The following SCAPER variants were observed in gnomAD, a reference collection of about 807,000 sequenced individuals.
SCAPER encodes the protein S-phase cyclin A associated protein in the ER.
A neutral mutation model predicts 182.2 loss-of-function variants in SCAPER; 98 were observed. That is an observed-to-expected ratio of 0.54 (90% CI 0.46 to 0.64). The LOEUF is 0.64. SCAPER is among the 30% of genes least tolerant of loss of function. The pLI is 0.00. For missense variants in SCAPER, 1,432 were observed against 1,690.0 expected (o/e 0.85, Z 2.68); for synonymous variants, 605 against 564.6 (o/e 1.07, Z -1.01).
intron 14 of SCAPER, among the ~76,000 whole-genome samples, chr15:76,756,429 T>A (rs11072620): frequency 0.34 from 51,276 of 151,674 alleles, 8,928 homozygotes; most frequent in East Asian, 0.56. Flanking sequence ...AATTAAAAAT[T>A]TAACCAGGCA....
intron 1 of SCAPER, among the ~76,000 whole-genome samples, chr15:76,900,089 T>C (rs1212066399): frequency 1.3e-5 from 2 of 152,240 alleles, no homozygotes; most frequent in East Asian, 1.9e-4. Flanking sequence ...CAGGGTTAAA[T>C]GGATTAAGGG....
intron 20 of SCAPER, among the ~76,000 whole-genome samples, chr15:76,672,537 C>A (rs2057098769): frequency 6.6e-6 from 1 of 150,934 alleles, no homozygotes; most frequent in African/African-American, 2.4e-5. Context: ...TCTTAAAACT[C>A]AAAAAAAGAT....
chr15:76,756,343 G>A (rs925430401), intron 14 of SCAPER, among the ~76,000 whole-genome samples: 5 of 151,748 alleles, frequency 3.3e-5, no homozygotes, highest in East Asian at 1.9e-4. Flanking sequence ...TTAGAAGGCC[G>A]AGGTTAAAGG....
chr15:76,763,550 T>TA (rs58474147), intron 14 of SCAPER, among the ~76,000 whole-genome samples: 4 of 150,346 alleles, frequency 2.7e-5, no homozygotes, highest in African/African-American at 9.8e-5. Flanking sequence ...GTTATTTCTT[T>TA]AAAAAAAAAA....
chr15:76,663,872 A>G (rs2056381195), intron 21 of SCAPER, among the ~76,000 whole-genome samples: 1 of 152,192 alleles, frequency 6.6e-6, no homozygotes, highest in Non-Finnish European at 1.5e-5. Flanking sequence ...ATCAATGAAA[A>G]AAGTCAATAG....
intron 1 of SCAPER, among the ~76,000 whole-genome samples, chr15:76,887,737 C>A (rs546268106): frequency 6.6e-6 from 1 of 152,212 alleles, no homozygotes; most frequent in Non-Finnish European, 1.5e-5. Flanking sequence ...CATAGCTGAA[C>A]AAAAAGCAGC....
chr15:76,588,529 T>C (rs2048856960), intron 22 of SCAPER, among the ~76,000 whole-genome samples: 1 of 152,214 alleles, frequency 6.6e-6, no homozygotes, highest in South Asian at 2.1e-4. Context: ...GACGCTTGGT[T>C]AGTGAATTCT....
At chr15:76,585,619 T>G (rs1282825482) in intron 22 of SCAPER, among the ~76,000 whole-genome samples, 1 of 152,204 alleles carries the variant, frequency 6.6e-6, no homozygotes, top group Non-Finnish European at 1.5e-5. Flanking sequence ...AGGACCATTT[T>G]AATTCACAGA....
At chr15:76,470,645 C>T (rs11635463) in intron 25 of SCAPER, among the ~76,000 whole-genome samples, 43,157 of 152,040 alleles carry the variant, frequency 0.28, 7,125 homozygotes, top group East Asian at 0.58. Context: ...AAACCTTTGG[C>T]TATTACATTG....
intron 21 of SCAPER, among the ~76,000 whole-genome samples, chr15:76,629,710 T>C (rs1424022463): frequency 1.3e-5 from 2 of 152,136 alleles, no homozygotes; most frequent in Non-Finnish European, 2.9e-5. Context: ...GGATATTAGC[T>C]GAAGTTTTCT....
At chr15:76,686,006 C>T (rs746158613) in intron 20 of SCAPER, among the ~76,000 whole-genome samples, 15 of 151,854 alleles carry the variant, frequency 9.9e-5, no homozygotes, top group East Asian at 1.9e-4. Flanking sequence ...ACTTTTATAA[C>T]GTAAGATAGA....
At chr15:76,712,261 T>A (rs1378141672) in intron 17 of SCAPER, among the ~76,000 whole-genome samples, 2 of 152,158 alleles carry the variant, frequency 1.3e-5, no homozygotes, top group African/African-American at 4.8e-5. Context: ...TATGCGGCGT[T>A]ATTTATGAGG....
intron 23 of SCAPER, among the ~76,000 whole-genome samples, chr15:76,523,579 C>G (rs954224543): frequency 6.6e-6 from 1 of 152,028 alleles, no homozygotes; most frequent in African/African-American, 2.4e-5. Context: ...ACTCAATAAA[C>G]ATTTTTGGGC....
At chr15:76,726,914 C>T (rs973881211) in intron 17 of SCAPER, among the ~76,000 whole-genome samples, 3 of 151,914 alleles carry the variant, frequency 2.0e-5, no homozygotes, top group African/African-American at 7.2e-5. Flanking sequence ...TTTCTGGGTA[C>T]AGATGGTGGT....
At position 76,361,541 on chromosome 15, in the gene SCAPER, C is replaced by T. The variant is rs553454544; in HGVS notation, c.3856-7401G>A. ...AGTCTAATAAAAGTGGGCTTTCTGG[C>T]CTAGAGTAGACTGAAATCAGCAATT... On this transcript the variant is annotated intron_variant, in intron 29 of 31. Transcript: ENST00000563290. 7.2e-5 allele frequency among the ~76,000 whole-genome samples: 11 copies of T among 152,280 alleles called. 1 individual carries two copies. In the East Asian group the frequency reaches 1.5e-3, roughly 21 times the overall value.
chr15:76,654,046 T>C (rs1196518801), intron 21 of SCAPER, among the ~76,000 whole-genome samples: 1 of 152,000 alleles, frequency 6.6e-6, no homozygotes, highest in East Asian at 1.9e-4. Context: ...ACAAAAGACA[T>C]GAACAGACAC....
chr15:76,694,522 C>T (rs1036736155), intron 20 of SCAPER, among the ~76,000 whole-genome samples: 1 of 151,742 alleles, frequency 6.6e-6, no homozygotes, highest in Admixed American at 6.6e-5. Context: ...TAAACTATAC[C>T]TCAATAAAGT....
At chr15:76,741,461 T>A (rs1425441004) in intron 15 of SCAPER, among the ~76,000 whole-genome samples, 1 of 152,018 alleles carries the variant, frequency 6.6e-6, no homozygotes, top group African/African-American at 2.4e-5. Flanking sequence ...CTGAGAGGCA[T>A]TACAATACCC....
chr15:76,692,694 A>G (rs1325158115), intron 20 of SCAPER, among the ~76,000 whole-genome samples: 1 of 143,254 alleles, frequency 7.0e-6, no homozygotes, highest in African/African-American at 2.6e-5. Flanking sequence ...GTTTCAAAAA[A>G]AGAAAAAAAA....
Sources: allele counts gnomAD v4.1 joint callset (sites outside exome capture counted in the v4.1 genomes callset), GRCh38; gene constraint gnomAD v4.1.1; transcripts MANE v1.5; gene names NCBI Gene and HGNC (gene_info 2026-07-23, HGNC 2026-07-21).